Variants in RAP1GAP2 observed in about 807,000 individuals in gnomAD.
RAP1GAP2 encodes rap1 GTPase-activating protein 2.
A neutral mutation model predicts 95.0 loss-of-function variants in RAP1GAP2; 27 were observed. The observed-to-expected ratio is 0.28, with a 90% CI of 0.21 to 0.39. RAP1GAP2 has a LOEUF of 0.39. RAP1GAP2 is among the 10% of genes least tolerant of loss of function. The pLI is 1.00. For missense variants in RAP1GAP2, 771 were observed against 970.0 expected (o/e 0.79, Z 2.72); for synonymous variants, 373 against 380.9 (o/e 0.98, Z 0.24).
intron 8 of RAP1GAP2, among the ~76,000 whole-genome samples, chr17:2,969,994 C>T (rs1330226494): frequency 6.6e-6 from 1 of 151,866 alleles, no homozygotes; most frequent in Non-Finnish European, 1.5e-5. Flanking sequence ...ATCCCCTGGG[C>T]CGGGCATCGT....
chr17:2,956,948 G>C (rs1222393242), intron 3 of RAP1GAP2, among the ~76,000 whole-genome samples: 1 of 152,082 alleles, frequency 6.6e-6, no homozygotes, highest in Non-Finnish European at 1.5e-5. Flanking sequence ...CCAACATAGT[G>C]AAACCCCGTC....
At position 2,905,381 on chromosome 17, in the gene RAP1GAP2, G is replaced by T. The variant is rs781613548; in HGVS notation, c.165+13G>T. The T allele has an allele frequency of 4.0e-5, 64 of 1,611,850 alleles. No individual in the cohort carries two copies. Among genetic ancestry groups the T allele is most frequent in the Non-Finnish European group, 5.3e-5 (62 of 1,178,430 alleles). On this transcript the variant is annotated intron_variant, in intron 3 of 24. Transcript: ENST00000254695. ...TCCCACCATGAAGGTAAGAGGCTTC[G>T]ATTCAGGAAGGCAGGGAGGGGAGAG...
At chr17:3,019,113 T>C (rs1456016346) in intron 18 of RAP1GAP2, among the ~76,000 whole-genome samples, 2 of 152,124 alleles carry the variant, frequency 1.3e-5, no homozygotes, top group Non-Finnish European at 2.9e-5. Context: ...GCGATTCTGC[T>C]GGATCCAAAG....
intron 1 of RAP1GAP2, among the ~76,000 whole-genome samples, chr17:2,759,281 T>C (rs2071202748): frequency 6.6e-6 from 1 of 152,074 alleles, no homozygotes. Context: ...TTGGATACTT[T>C]ATTATTTTTT....
rs1567793600 is a variant in RAP1GAP2, at chr17:2,932,845, A to AGT, written c.166-24913_166-24912insTG. On this transcript the variant is annotated intron_variant, in intron 3 of 24. Transcript: ENST00000254695. ...AAAAGAAAAAAAAAAAAAAAAAAAG[A>AGT]GCAGGGACCACGGGCAGGGTATGGG... Among the ~76,000 whole-genome samples, 370 of 115,382 alleles carry AGT rather than the reference A, an allele frequency of 3.2e-3. 4 individuals carry two copies. The highest frequency in any genetic ancestry group is 0.011 in the African/African-American group (353 of 32,370). 75.7% of individuals were successfully genotyped at this position (115,382 alleles called of 152,430 possible). A position where few individuals can be genotyped will look rare whatever the true frequency, so the allele number is the denominator to read the frequency against.
intron 11 of RAP1GAP2, among the ~76,000 whole-genome samples, chr17:2,988,964 C>T (rs548571891): frequency 1.8e-4 from 27 of 152,120 alleles, no homozygotes; most frequent in Middle Eastern, 3.4e-3. Context: ...GAGGCTGAGG[C>T]AGGAGAATCG....
chr17:2,900,282 A>T (rs1290292376), intron 2 of RAP1GAP2, among the ~76,000 whole-genome samples: 1 of 152,138 alleles, frequency 6.6e-6, no homozygotes, highest in East Asian at 1.9e-4. Flanking sequence ...AGATGCCAGA[A>T]ATGTTTTCCA....
chr17:2,767,517 C>T (rs2068299831), intron 1 of RAP1GAP2, among the ~76,000 whole-genome samples: 1 of 151,940 alleles, frequency 6.6e-6, no homozygotes, highest in African/African-American at 2.4e-5. Context: ...TTTGTGTCTC[C>T]AGAGTTTCTA....
At chr17:2,782,845 G>T (rs2068689524) in intron 1 of RAP1GAP2, among the ~76,000 whole-genome samples, 1 of 152,084 alleles carries the variant, frequency 6.6e-6, no homozygotes, top group Non-Finnish European at 1.5e-5. Context: ...GTGAAACCCC[G>T]TCTCTACTAA....
intron 12 of RAP1GAP2, 24 bp from the exon 13 acceptor site, chr17:2,995,313 T>A: frequency 6.2e-7 from 1 of 1,610,720 alleles, no homozygotes; most frequent in Non-Finnish European, 8.5e-7. Flanking sequence ...TTTCTCCCCA[T>A]CTCCTGCCCT....
At chr17:2,887,469 G>A (rs2073540960) in intron 2 of RAP1GAP2, among the ~76,000 whole-genome samples, 1 of 151,572 alleles carries the variant, frequency 6.6e-6, no homozygotes, top group Admixed American at 6.6e-5. Flanking sequence ...CCACCTCCTG[G>A]GTTCAAGCGA....
intron 2 of RAP1GAP2, among the ~76,000 whole-genome samples, chr17:2,818,573 C>T (rs2070143474): frequency 6.6e-6 from 1 of 152,146 alleles, no homozygotes; most frequent in South Asian, 2.1e-4. Context: ...AGTGATCCAC[C>T]TGCCTTGGCC....
chr17:2,760,553 C>A (rs953473624), intron 1 of RAP1GAP2, among the ~76,000 whole-genome samples: 4 of 146,916 alleles, frequency 2.7e-5, no homozygotes, highest in African/African-American at 9.8e-5. Flanking sequence ...GTTGGCCAGG[C>A]TGGTCTTGAA....
chr17:2,791,826 G>A (rs893559178), upstream of RAP1GAP2, among the ~76,000 whole-genome samples: 2 of 151,706 alleles, frequency 1.3e-5, no homozygotes, highest in Non-Finnish European at 2.9e-5. Context: ...GGAGGGCTGG[G>A]CCTGCTTCAC....
intron 2 of RAP1GAP2, among the ~76,000 whole-genome samples, chr17:2,873,441 C>T (rs2072935816): frequency 8.2e-6 from 1 of 122,386 alleles, no homozygotes; most frequent in South Asian, 2.7e-4. Context: ...TGCCACTGCA[C>T]TCCAGCCAGG....
chr17:2,986,728 C>T (rs769575401), intron 11 of RAP1GAP2, among the ~76,000 whole-genome samples: 9 of 152,014 alleles, frequency 5.9e-5, no homozygotes, highest in Non-Finnish European at 1.0e-4. Context: ...TGACTAAGAC[C>T]CCTCCCTGAG....
At chr17:2,800,168 T>C in intron 1 of RAP1GAP2, 1 of 985,248 alleles carries the variant, frequency 1.0e-6, no homozygotes, top group Non-Finnish European at 1.2e-6. Context: ...AGGGTAGCCG[T>C]AATAAAGGGA....
intron 2 of RAP1GAP2, among the ~76,000 whole-genome samples, chr17:2,882,792 G>T (rs1227395236): frequency 6.6e-6 from 1 of 152,192 alleles, no homozygotes; most frequent in East Asian, 1.9e-4. Context: ...AGTTAGGGAG[G>T]TGGCGAGGAC....
At chr17:2,802,189 T>C (rs1260286699) in intron 2 of RAP1GAP2, among the ~76,000 whole-genome samples, 3 of 152,190 alleles carry the variant, frequency 2.0e-5, no homozygotes, top group African/African-American at 7.2e-5. Context: ...CTGCCTAGTC[T>C]CCCTCTGTCA....
Sources: gnomAD v4.1 joint callset for allele counts (sites outside exome capture counted in the v4.1 genomes callset) on GRCh38, gnomAD v4.1.1 for gene constraint, MANE v1.5 for transcripts, NCBI Gene and HGNC (gene_info 2026-07-23, HGNC 2026-07-21) for gene names.